APP: variants seen among roughly 807,000 people sequenced by gnomAD.
The protein encoded by APP is amyloid beta precursor protein, also known as amyloid-beta precursor protein.
APP carries 31 observed loss-of-function variants against 101.4 expected under a neutral mutation model. That is an observed-to-expected ratio of 0.31 (90% CI 0.23 to 0.41). APP has a LOEUF of 0.41. Among genes scored for constraint, APP ranks in the 10% least tolerant of loss-of-function variants. The pLI is 1.00. For missense variants in APP, 839 were observed against 1,003.7 expected, an observed-to-expected ratio of 0.84 and a Z score of 2.22; for synonymous variants, 366 against 364.4, an observed-to-expected ratio of 1.00 and a Z score of -0.05.
intron 13 of APP, among the ~76,000 whole-genome samples, chr21:25,953,745 G>A (rs539870441): frequency 2.2e-3 from 335 of 152,284 alleles, no homozygotes; most frequent in African/African-American, 7.7e-3. Context: ...GACTCATGTG[G>A]TATTTTATTC....
At chr21:26,079,978 G>C (rs572575294) in intron 3 of APP, among the ~76,000 whole-genome samples, 14 of 152,248 alleles carry the variant, frequency 9.2e-5, no homozygotes, top group Admixed American at 2.6e-4. Context: ...ACAAAAATCT[G>C]CTAGGTGTGG....
chr21:25,926,341 G>A (rs1490354593), intron 13 of APP, among the ~76,000 whole-genome samples: 4 of 152,170 alleles, frequency 2.6e-5, no homozygotes, highest in Non-Finnish European at 4.4e-5. Context: ...CTTGTAGGTC[G>A]GTGGAGCAGC....
chr21:25,897,743 G>A (rs945032040), intron 15 of APP, 70 bp from the exon 16 acceptor site: 5 of 1,358,412 alleles, frequency 3.7e-6, no homozygotes, highest in Non-Finnish European at 4.2e-6. Context: ...AACACTGTAA[G>A]ACAAAGCCTA....
intron 6 of APP, among the ~76,000 whole-genome samples, chr21:26,020,518 T>C (rs1388268602): frequency 6.6e-6 from 1 of 152,144 alleles, no homozygotes; most frequent in Non-Finnish European, 1.5e-5. Flanking sequence ...GGAGACAAAA[T>C]AGCCCATGTT....
chr21:25,994,383 C>T (rs1029262728), intron 8 of APP, among the ~76,000 whole-genome samples: 6 of 152,028 alleles, frequency 3.9e-5, no homozygotes, highest in African/African-American at 1.5e-4. Context: ...TGAAAGCTCT[C>T]AGCCTTATAT....
intron 7 of APP, among the ~76,000 whole-genome samples, chr21:25,999,410 A>G (rs1271157511): frequency 2.0e-5 from 3 of 152,190 alleles, no homozygotes; most frequent in Non-Finnish European, 4.4e-5. Context: ...TGACCTGGCA[A>G]ATGTCTGTGT....
chr21:25,920,239 C>G (rs2039563007), intron 13 of APP, among the ~76,000 whole-genome samples: 2 of 151,616 alleles, frequency 1.3e-5, no homozygotes, highest in Admixed American at 1.3e-4. Context: ...ACTAAACATG[C>G]AAAGGAACAA....
chr21:25,960,560 C>T (rs576756155), intron 11 of APP, among the ~76,000 whole-genome samples: 36 of 152,176 alleles, frequency 2.4e-4, no homozygotes, highest in East Asian at 1.2e-3. Flanking sequence ...TCAGTCAGTA[C>T]GGAAACAGCT....
At chr21:26,050,899 A>C (rs762146246) in intron 5 of APP, 101 bp downstream of exon 5, 283 of 1,421,774 alleles carry the variant, frequency 2.0e-4, no homozygotes, top group Non-Finnish European at 2.7e-4. Flanking sequence ...GAGTGGGCAG[A>C]GACCTTTTCA....
intron 6 of APP, among the ~76,000 whole-genome samples, chr21:26,014,835 C>T (rs568853914): frequency 4.6e-5 from 7 of 152,196 alleles, no homozygotes; most frequent in Non-Finnish European, 8.8e-5. Flanking sequence ...ATATTCGGAT[C>T]AAACCTTTTA....
At chr21:26,013,863 T>A (rs2043930578) in intron 6 of APP, among the ~76,000 whole-genome samples, 2 of 152,210 alleles carry the variant, frequency 1.3e-5, no homozygotes, top group Admixed American at 1.3e-4. Flanking sequence ...CTTGTCCATG[T>A]CCTGCTTCAC....
chr21:25,952,767 C>CAAA (rs3084233), intron 13 of APP, among the ~76,000 whole-genome samples: 17 of 151,894 alleles, frequency 1.1e-4, no homozygotes, highest in African/African-American at 4.1e-4. Context: ...AACAAACAAA[C>CAAA]CATGTTTTCT....
chr21:25,946,435 G>T (rs45512500), intron 13 of APP, among the ~76,000 whole-genome samples: 7,771 of 152,254 alleles, frequency 0.051, 661 homozygotes, highest in African/African-American at 0.18. Context: ...GAAGGCCGAG[G>T]TGGGCAGGTT....
chr21:25,888,949 G>A (rs1311155071), intron 17 of APP, among the ~76,000 whole-genome samples: 1 of 152,164 alleles, frequency 6.6e-6, no homozygotes, highest in Non-Finnish European at 1.5e-5. Flanking sequence ...TCATTCATTT[G>A]GGGAAATTTT....
chr21:25,952,077 GT>G (rs1251520315), intron 13 of APP, among the ~76,000 whole-genome samples: 1 of 151,760 alleles, frequency 6.6e-6, no homozygotes, highest in African/African-American at 2.4e-5. Context: ...CAAATGAAAG[GT>G]TTTTAAAAAA....
intron 1 of APP, among the ~76,000 whole-genome samples, chr21:26,156,914 T>C (rs895698429): frequency 1.3e-5 from 2 of 152,126 alleles, no homozygotes; most frequent in African/African-American, 4.8e-5. Flanking sequence ...GAAATATACA[T>C]TCAAACACTC....
intron 1 of APP, chr21:26,140,322 G>A (rs893065399): frequency 3.5e-5 from 54 of 1,526,946 alleles, no homozygotes; most frequent in Admixed American, 2.8e-4. Flanking sequence ...TTCCATCCTC[G>A]GGAGGGTGAG....
intron 1 of APP, among the ~76,000 whole-genome samples, chr21:26,153,315 T>C (rs2063315371): frequency 1.3e-5 from 2 of 152,146 alleles, no homozygotes; most frequent in African/African-American, 2.4e-5. Flanking sequence ...CTCTCAAAAA[T>C]TTTAAGCCCT....
intron 13 of APP, among the ~76,000 whole-genome samples, chr21:25,947,055 T>C (rs1277080740): frequency 6.6e-6 from 1 of 152,136 alleles, no homozygotes; most frequent in Non-Finnish European, 1.5e-5. Context: ...AATTATGGAG[T>C]AGAAATACAT....
Sources: gnomAD v4.1 joint callset for allele counts (sites outside exome capture counted in the v4.1 genomes callset) on GRCh38, gnomAD v4.1.1 for gene constraint, MANE v1.5 for transcripts, NCBI Gene and HGNC (gene_info 2026-07-23, HGNC 2026-07-21) for gene names.